MAP4K4: variants seen among roughly 807,000 people sequenced by gnomAD.
MAP4K4 encodes HPK/GCK-like kinase HGK.
Under a neutral mutation model 189.6 loss-of-function variants are expected in MAP4K4, and 38 were observed. That is an observed-to-expected ratio of 0.20 (90% CI 0.15 to 0.26). MAP4K4 has a LOEUF of 0.26. MAP4K4 is among the 10% of genes least tolerant of loss of function. The pLI, the probability that MAP4K4 is intolerant of heterozygous loss-of-function variation, is 1.00. For synonymous variants in MAP4K4, 610 were observed against 624.3 expected (o/e 0.98, Z 0.34); for missense variants, 1,054 against 1,726.9 (o/e 0.61, Z 6.91).
At chr2:101,764,029 C>T (rs914268899) in intron 2 of MAP4K4, among the ~76,000 whole-genome samples, 2 of 151,744 alleles carry the variant, frequency 1.3e-5, no homozygotes, top group Admixed American at 6.6e-5. Context: ...ATCTTTGTCA[C>T]GTGGGGCTAT....
chr2:101,867,559 C>G lies in MAP4K4; in HGVS notation c.2454+250C>G, dbSNP rs138431647. The G allele has an allele frequency of 1.3e-3, 566 of 445,560 alleles. 4 individuals are homozygous for G. Among genetic ancestry groups the G allele is most frequent in the African/African-American group, 0.01 (532 of 51,032 alleles). 27.6% of individuals were successfully genotyped at this position (445,560 alleles called of 1,614,324 possible). A position where few individuals can be genotyped will look rare whatever the true frequency, so the allele number is the denominator to read the frequency against. ...TCCAGCCATACACTTGGTGTACAGT[C>G]AGCCTTACAAAATTATGCAGAACAA... On this transcript the variant is annotated intron_variant, in intron 20 of 32. Transcript: ENST00000324219.
intron 9 of MAP4K4, among the ~76,000 whole-genome samples, chr2:101,837,655 T>C (rs916622122): frequency 3.9e-5 from 6 of 152,286 alleles, no homozygotes; most frequent in Middle Eastern, 3.4e-3. Flanking sequence ...GGAGTAACTC[T>C]ACCCAGTTCA....
chr2:101,856,612 A>C (rs545338225), intron 13 of MAP4K4, among the ~76,000 whole-genome samples: 25 of 151,930 alleles, frequency 1.6e-4, no homozygotes, highest in African/African-American at 5.6e-4. Flanking sequence ...ACAGCACATT[A>C]AAAAAACTAA....
intron 2 of MAP4K4, among the ~76,000 whole-genome samples, chr2:101,704,380 A>G (rs1394610804): frequency 1.3e-5 from 2 of 151,908 alleles, no homozygotes; most frequent in South Asian, 2.1e-4. Context: ...AAAGCTCTAC[A>G]GAAAAGCCAA....
chr2:101,731,445 A>G (rs959618401), intron 2 of MAP4K4, among the ~76,000 whole-genome samples: 1 of 152,044 alleles, frequency 6.6e-6, no homozygotes, highest in Non-Finnish European at 1.5e-5. Flanking sequence ...TTATTAAGCA[A>G]AGAGCAGAGA....
chr2:101,793,837 A>G (rs2093329184), intron 3 of MAP4K4, among the ~76,000 whole-genome samples: 1 of 152,160 alleles, frequency 6.6e-6, no homozygotes, highest in African/African-American at 2.4e-5. Flanking sequence ...CAGACAATGC[A>G]AAGATGTGGG....
intron 3 of MAP4K4, among the ~76,000 whole-genome samples, chr2:101,793,511 C>T (rs751949758): frequency 2.8e-4 from 42 of 150,774 alleles, no homozygotes; most frequent in Non-Finnish European, 4.9e-4. Flanking sequence ...CTGGTTCCAA[C>T]TCCAGCAGGA....
chr2:101,778,942 G>A (rs2085805085), intron 2 of MAP4K4, among the ~76,000 whole-genome samples: 1 of 152,128 alleles, frequency 6.6e-6, no homozygotes, highest in Non-Finnish European at 1.5e-5. Context: ...CTTTCTAGCT[G>A]TGTGACCTTC....
At position 101,865,593 on chromosome 2, in the gene MAP4K4, GT is replaced by G. The variant is rs539027800; in HGVS notation, c.2204+558del. ...GAAACTTCATTCCTTAGTGCACTGG[GT>G]ATATTCATGAGCTCTATAGCCACAT... is the stretch of plus-strand genomic sequence containing the variant. On this transcript the variant is annotated intron_variant, in intron 18 of 32. Transcript: ENST00000324219. Among the ~76,000 whole-genome samples the G allele has an allele frequency of 5.7e-3, 862 of 152,240 alleles. 8 individuals are homozygous for G. The highest frequency in any genetic ancestry group is 0.02 in the African/African-American group (811 of 41,542).
intron 9 of MAP4K4, among the ~76,000 whole-genome samples, chr2:101,837,783 C>A (rs1180890102): frequency 1.3e-5 from 2 of 152,182 alleles, no homozygotes; most frequent in African/African-American, 2.4e-5. Flanking sequence ...ACCTCATACT[C>A]TGATTTTTCT....
At chr2:101,804,242 G>A (rs1204663484) in intron 3 of MAP4K4, among the ~76,000 whole-genome samples, 3 of 152,144 alleles carry the variant, frequency 2.0e-5, no homozygotes, top group Admixed American at 6.5e-5. Context: ...CTTGCAGATC[G>A]TTTTGCAATT....
intron 2 of MAP4K4, among the ~76,000 whole-genome samples, chr2:101,773,047 C>T (rs991882773): frequency 2.0e-5 from 3 of 152,192 alleles, no homozygotes; most frequent in African/African-American, 7.2e-5. Flanking sequence ...GTAAATGCTG[C>T]TGACTGCAAG....
chr2:101,727,758 C>G (rs954230702), intron 2 of MAP4K4, among the ~76,000 whole-genome samples: 9 of 152,202 alleles, frequency 5.9e-5, no homozygotes, highest in African/African-American at 2.2e-4. Flanking sequence ...CACCTGAGGT[C>G]AGGTGTTCAA....
intron 3 of MAP4K4, among the ~76,000 whole-genome samples, chr2:101,820,853 G>A (rs560098717): frequency 6.6e-6 from 1 of 152,278 alleles, no homozygotes; most frequent in African/African-American, 2.4e-5. Context: ...GCTACTGCTC[G>A]TTACACTGTG....
chr2:101,770,863 G>T (rs920011445), intron 2 of MAP4K4, among the ~76,000 whole-genome samples: 1 of 152,112 alleles, frequency 6.6e-6, no homozygotes, highest in African/African-American at 2.4e-5. Context: ...ACCAGATGGC[G>T]CTAAATTGTG....
intron 28 of MAP4K4, among the ~76,000 whole-genome samples, chr2:101,884,689 A>T (rs1577406323): frequency 6.6e-6 from 1 of 152,164 alleles, no homozygotes; most frequent in African/African-American, 2.4e-5. Flanking sequence ...TCTTAGTGAT[A>T]CTTGGACTTG....
intron 2 of MAP4K4, among the ~76,000 whole-genome samples, chr2:101,788,592 A>G (rs1214642264): frequency 1.3e-5 from 2 of 152,148 alleles, no homozygotes; most frequent in Non-Finnish European, 2.9e-5. Flanking sequence ...TAATTTGGAG[A>G]CCTAGTAAGT....
At chr2:101,803,982 C>G (rs2094642025) in intron 3 of MAP4K4, among the ~76,000 whole-genome samples, 1 of 152,172 alleles carries the variant, frequency 6.6e-6, no homozygotes, top group Non-Finnish European at 1.5e-5. Flanking sequence ...AGCATCCAAA[C>G]TTGCCACATT....
chr2:101,842,442 A>G (rs1026544875), intron 10 of MAP4K4, among the ~76,000 whole-genome samples, 167 bp from the exon 11 acceptor site: 4 of 152,174 alleles, frequency 2.6e-5, no homozygotes, highest in Admixed American at 6.5e-5. Flanking sequence ...TGCTGTCACT[A>G]TGAGAATGTG....
Sources: allele counts gnomAD v4.1 joint callset (sites outside exome capture counted in the v4.1 genomes callset), GRCh38; gene constraint gnomAD v4.1.1; transcripts MANE v1.5; gene names NCBI Gene and HGNC (gene_info 2026-07-23, HGNC 2026-07-21).